The following DNAJC1 variants were observed in gnomAD, a reference collection of about 807,000 sequenced individuals.
The protein encoded by DNAJC1 is DnaJ heat shock protein family (Hsp40) member C1.
In DNAJC1, 58 loss-of-function variants were observed where a neutral mutation model predicts 76.6. That is an observed-to-expected ratio of 0.76 (90% CI 0.61 to 0.94). The LOEUF is 0.94. Among genes scored for constraint, DNAJC1 ranks in the 40% least tolerant of loss-of-function variants. DNAJC1 has a pLI of 0.00. For missense variants in DNAJC1, 689 were observed against 677.3 expected (o/e 1.02, Z -0.19); for synonymous variants, 258 against 267.9 (o/e 0.96, Z 0.36).
chr10:21,839,815 C>A (rs1337521376), intron 8 of DNAJC1, among the ~76,000 whole-genome samples: 1 of 152,158 alleles, frequency 6.6e-6, no homozygotes, highest in Non-Finnish European at 1.5e-5. Flanking sequence ...GAATTTTAGA[C>A]CAATATCCTT....
intron 10 of DNAJC1, 36 bp from the exon 11 acceptor site, chr10:21,759,654 C>T: frequency 1.3e-6 from 2 of 1,590,354 alleles, no homozygotes; most frequent in Non-Finnish European, 1.7e-6. Context: ...AGGTGAAGGG[C>T]AAGGTGAATT....
chr10:22,000,736 G>C (rs1328062189), intron 1 of DNAJC1, among the ~76,000 whole-genome samples: 1 of 152,236 alleles, frequency 6.6e-6, no homozygotes, highest in Non-Finnish European at 1.5e-5. Flanking sequence ...GATGAGATTA[G>C]TGTCCTTATA....
intron 2 of DNAJC1, 68 bp downstream of exon 2, chr10:21,928,972 A>C (rs1160590689): frequency 1.0e-6 from 1 of 963,084 alleles, no homozygotes; most frequent in African/African-American, 1.7e-5. Context: ...ATATAAGTGA[A>C]TATTTCTACC....
intron 1 of DNAJC1, among the ~76,000 whole-genome samples, chr10:21,938,443 C>T (rs1003126290): frequency 4.0e-5 from 6 of 151,602 alleles, no homozygotes; most frequent in Admixed American, 1.3e-4. Flanking sequence ...AAAAATCTGC[C>T]TTAGGTGACT....
At chr10:21,905,659 G>C (rs1836732703) in intron 6 of DNAJC1, among the ~76,000 whole-genome samples, 1 of 152,082 alleles carries the variant, frequency 6.6e-6, no homozygotes, top group African/African-American at 2.4e-5. Flanking sequence ...TTCTCTTCCA[G>C]ATGAGAAATT....
chr10:21,935,625 T>C (rs1052812722), intron 1 of DNAJC1, among the ~76,000 whole-genome samples: 1 of 151,906 alleles, frequency 6.6e-6, no homozygotes, highest in Non-Finnish European at 1.5e-5. Flanking sequence ...CCTATATATC[T>C]AAGAATCTCA....
chr10:21,762,921 A>G (rs1834258134), intron 10 of DNAJC1, among the ~76,000 whole-genome samples: 2 of 152,202 alleles, frequency 1.3e-5, no homozygotes, highest in Admixed American at 1.3e-4. Flanking sequence ...AAATACTTTC[A>G]AACATCGACT....
chr10:21,818,160 A>C (rs2131656003), intron 8 of DNAJC1, among the ~76,000 whole-genome samples: 1 of 152,328 alleles, frequency 6.6e-6, no homozygotes, highest in Admixed American at 6.5e-5. Context: ...TCTTTTTCTC[A>C]GCAAGGAACG....
At chr10:21,865,508 C>A (rs1447657144) in intron 8 of DNAJC1, 1 of 151,998 alleles carries the variant, frequency 6.6e-6, no homozygotes, top group African/African-American at 2.4e-5. Flanking sequence ...ATATGCAGAG[C>A]AAGAAAACTA....
At chr10:22,002,976 TG>T (rs1838546545) in intron 1 of DNAJC1, among the ~76,000 whole-genome samples, 1 of 152,032 alleles carries the variant, frequency 6.6e-6, no homozygotes, top group Admixed American at 6.5e-5. Flanking sequence ...CCTAGGCTAG[TG>T]GCGCCGTCCA....
chr10:21,923,140 C>T (rs1266562421), intron 3 of DNAJC1, among the ~76,000 whole-genome samples: 1 of 151,862 alleles, frequency 6.6e-6, no homozygotes, highest in Non-Finnish European at 1.5e-5. Context: ...TTAAACAGAA[C>T]TAGATATTTA....
At position 21,824,222 on chromosome 10, in the gene DNAJC1, C is replaced by T. The variant is rs553615347; in HGVS notation, c.979-18123G>A. Among the ~76,000 whole-genome samples the T allele has an allele frequency of 5.3e-5, 8 of 152,316 alleles. No homozygotes were observed. The South Asian group carries it at 1.7e-3, about 32-fold the overall frequency. On this transcript the variant is annotated intron_variant, in intron 8 of 11. Coordinates refer to ENST00000376980, the MANE Select transcript of DNAJC1 (RefSeq NM_022365.4). Reference sequence around the variant, plus strand: ...TTGCTCTTCTGAAGGAATACTAAAGCTTCCATTCAATAACAGTAGCAGTAT... The same window carrying T: ...TTGCTCTTCTGAAGGAATACTAAAGTTTCCATTCAATAACAGTAGCAGTAT...
intron 9 of DNAJC1, among the ~76,000 whole-genome samples, chr10:21,792,363 T>C (rs1589982275): frequency 6.6e-6 from 1 of 152,218 alleles, no homozygotes; most frequent in East Asian, 1.9e-4. Flanking sequence ...ATTTATTCTA[T>C]GAGGCTAGCA....
chr10:21,770,678 C>T (rs190562851), intron 9 of DNAJC1, among the ~76,000 whole-genome samples: 85 of 152,240 alleles, frequency 5.6e-4, no homozygotes, highest in African/African-American at 2.0e-3. Flanking sequence ...GGAGTACAGG[C>T]GTAAGCCACC....
Position 22,003,304 on chromosome 10 carries a change from G to A in DNAJC1, c.131C>T (p.Pro44Leu). The A allele has an allele frequency of 1.1e-5, 17 of 1,526,128 alleles. No homozygotes were observed. The highest frequency in any genetic ancestry group is 2.5e-5 in the South Asian group (2 of 80,962). 94.5% of individuals were successfully genotyped at this position (1,526,128 alleles called of 1,614,324 possible). A position where few individuals can be genotyped will look rare whatever the true frequency, so the allele number is the denominator to read the frequency against. The change falls in exon 1 of 12, where the codon CCG becomes CTG. Residue 44 changes from proline to leucine, a missense_variant. Physicochemically the swap from Pro to Leu is moderately conservative, Grantham distance 98. Coordinates refer to ENST00000376980, the MANE Select transcript of DNAJC1 (RefSeq NM_022365.4). ...LLLLLLAAVA[P>L]ARGWESGDLE... ...GTCTCCGCTCTCCCAGCCGCGCGCC[G>A]GCGCCACGGCGGCCAGCAGCAGCAG... is the stretch of plus-strand genomic sequence containing the variant.
intron 10 of DNAJC1, 52 bp downstream of exon 10, chr10:21,766,205 GATTA>G (rs997363870): frequency 1.6e-6 from 2 of 1,236,972 alleles, no homozygotes; most frequent in Non-Finnish European, 2.4e-6. Flanking sequence ...TATAAAAAGG[GATTA>G]ATTTAGAAGA....
Position 21,904,632 on chromosome 10 carries a change from C to T in DNAJC1, c.730-20G>A, listed in dbSNP as rs1232580829. On this transcript the variant is annotated intron_variant, in intron 6 of 11. Transcript: ENST00000376980. ...AGCATCCTTAAGAAAAAAAGTTATA[C>T]ATAAATTAACATAAAAATCAGTGTG... 2.1e-6 allele frequency: 3 copies of T among 1,418,178 alleles called. No homozygotes were observed. The highest frequency in any genetic ancestry group is 2.9e-6 in the Non-Finnish European group (3 of 1,018,874). 87.8% of individuals were successfully genotyped at this position (1,418,178 alleles called of 1,614,324 possible).
At chr10:21,759,019 G>T in intron 11 of DNAJC1, 151 bp downstream of exon 11, 2 of 825,040 alleles carry the variant, frequency 2.4e-6, no homozygotes, top group Non-Finnish European at 3.9e-6. Flanking sequence ...ACGCTCTAGG[G>T]AGAAATATAC....
rs2131722200 is a variant in DNAJC1, at chr10:21,882,428, C to A, written c.832G>T (p.Val278Phe). The A allele has an allele frequency of 1.3e-6, 2 of 1,496,538 alleles. No homozygotes were observed. Among genetic ancestry groups the A allele is most frequent in the South Asian group, 1.4e-5 (1 of 72,758 alleles). 92.7% of individuals were successfully genotyped at this position (1,496,538 alleles called of 1,614,324 possible). A position where few individuals can be genotyped will look rare whatever the true frequency, so the allele number is the denominator to read the frequency against. Reference sequence around the variant, plus strand: ...GGAAATTCAGGTTTTGGTTTTTTAACTTTCTTCTGTTCTAAAAAATGTTTA... The same window carrying A: ...GGAAATTCAGGTTTTGGTTTTTTAAATTTCTTCTGTTCTAAAAAATGTTTA... ...ELETLQKQKK[V>F]KKPKPEFPVY... Residue 278 changes from valine (V) to phenylalanine (F), a missense_variant, in exon 8 of 12, where the codon GTT becomes TTT. Transcript: ENST00000376980.
Sources: allele counts gnomAD v4.1 joint callset (sites outside exome capture counted in the v4.1 genomes callset), GRCh38; gene constraint gnomAD v4.1.1; transcripts MANE v1.5; gene names NCBI Gene and HGNC (gene_info 2026-07-23, HGNC 2026-07-21).